FGF14: variants seen among roughly 807,000 people sequenced by gnomAD.
FGF14 encodes the protein fibroblast growth factor 14.
In FGF14, 5 loss-of-function variants were observed where a neutral mutation model predicts 25.5. That is an observed-to-expected ratio of 0.20 (90% CI 0.10 to 0.41). FGF14 has a LOEUF of 0.41. Among genes scored for constraint, FGF14 ranks in the 10% least tolerant of loss-of-function variants. The pLI, the probability that FGF14 is intolerant of heterozygous loss-of-function variation, is 1.00. For missense variants in FGF14, 222 were observed against 320.1 expected, an observed-to-expected ratio of 0.69 and a Z score of 2.34; for synonymous variants, 138 against 118.3, an observed-to-expected ratio of 1.17 and a Z score of -1.08.
rs149290256 is a variant in FGF14 at position 101,794,247 on chromosome 13, GCTCT to G, written c.409-67441_409-67438del. Among the ~76,000 whole-genome samples, 3 of 151,986 alleles carry G rather than the reference GCTCT, an allele frequency of 2.0e-5. No individual in the cohort carries two copies. The South Asian group carries it at 6.2e-4, about 32-fold the overall frequency. On this transcript the variant is annotated intron_variant, in intron 3 of 4. Coordinates refer to ENST00000376143, the MANE Select transcript of FGF14 (RefSeq NM_004115.4). ...ACTGAGGCTCTCTGTAAGCATCTGT[GCTCT>G]CTCTCAGTCTCTAGTCATTCCTAGC... is the stretch of plus-strand genomic sequence containing the variant.
intron 1 of FGF14, among the ~76,000 whole-genome samples, chr13:102,075,754 T>C (rs574324502): frequency 6.6e-6 from 1 of 152,314 alleles, no homozygotes; most frequent in South Asian, 2.1e-4. Context: ...GACAGTTCCA[T>C]GCGTGTGATT....
chr13:102,034,144 T>C (rs566598887), intron 1 of FGF14, among the ~76,000 whole-genome samples: 1 of 152,140 alleles, frequency 6.6e-6, no homozygotes, highest in East Asian at 1.9e-4. Context: ...GAGAGAATGT[T>C]AATATAGAGG....
chr13:102,046,507 T>C (rs745849258), intron 1 of FGF14, among the ~76,000 whole-genome samples: 2 of 152,116 alleles, frequency 1.3e-5, no homozygotes, highest in East Asian at 3.9e-4. Context: ...GAAAAGTGAG[T>C]ATAGCTACCC....
intron 1 of FGF14, among the ~76,000 whole-genome samples, chr13:101,990,259 T>C (rs775887204): frequency 7.2e-5 from 11 of 152,058 alleles, no homozygotes; most frequent in Non-Finnish European, 1.0e-4. Flanking sequence ...GGCCTCACAA[T>C]TCCTTACACA....
intron 1 of FGF14, among the ~76,000 whole-genome samples, chr13:101,981,082 A>AACACACACACACACACACACACAC (rs58666555): frequency 8.1e-6 from 1 of 123,706 alleles, no homozygotes; most frequent in East Asian, 2.8e-4. Flanking sequence ...TCTCTACTAA[A>AACACACACACACACACACACACAC]ACACACACAC....
rs2034721704 is a variant in FGF14 at position 101,716,369 on chromosome 13, AAAG to A, written c.*6459_*6461del. The A allele has an allele frequency of 6.6e-6, 1 of 152,140 alleles. No individual in the cohort carries two copies. Among genetic ancestry groups the A allele is most frequent in the African/African-American group, 2.4e-5 (1 of 41,442 alleles). 9.4% of individuals were successfully genotyped at this position (152,140 alleles called of 1,614,324 possible). The stretch of plus-strand genomic sequence containing the variant: ...TGTCTACTCTCACTTTAAACTCACC[AAAG>A]AAGATTCTCTTAAAGAAATTATGAA... On this transcript the variant is annotated 3_prime_UTR_variant, in exon 5 of 5. Coordinates refer to ENST00000376143, the MANE Select transcript of FGF14 (RefSeq NM_004115.4).
chr13:101,936,972 T>C (rs1462429005), intron 1 of FGF14, among the ~76,000 whole-genome samples: 1 of 151,802 alleles, frequency 6.6e-6, no homozygotes, highest in Non-Finnish European at 1.5e-5. Flanking sequence ...GAGATGGGGG[T>C]GTTTGAAACA....
At chr13:102,337,679 G>A (rs1255398310) in intron 1 of FGF14, among the ~76,000 whole-genome samples, 3 of 152,096 alleles carry the variant, frequency 2.0e-5, no homozygotes, top group East Asian at 3.9e-4. Flanking sequence ...GTCCATTGAT[G>A]AAGCAAACTT....
At chr13:102,044,567 G>A (rs528154027) in intron 1 of FGF14, among the ~76,000 whole-genome samples, 1 of 152,074 alleles carries the variant, frequency 6.6e-6, no homozygotes, top group South Asian at 2.1e-4. Context: ...TTTTCTATAA[G>A]TTTCAGGTGG....
At chr13:101,724,600 ATATAT>A (rs2035255230) in intron 4 of FGF14, among the ~76,000 whole-genome samples, 2 of 5,424 alleles carry the variant, frequency 3.7e-4, no homozygotes, top group East Asian at 0.036. Context: ...ATAATAAAAT[ATATAT>A]ATATATATAT....
intron 1 of FGF14, among the ~76,000 whole-genome samples, chr13:102,182,681 C>T (rs892144333): frequency 6.6e-6 from 1 of 152,008 alleles, no homozygotes; most frequent in African/African-American, 2.4e-5. Flanking sequence ...AATTTGTTGA[C>T]CTCTGGTTTT....
intron 1 of FGF14, among the ~76,000 whole-genome samples, chr13:102,127,897 G>C (rs7328429): frequency 0.013 from 2,050 of 152,304 alleles, 48 homozygotes; most frequent in African/African-American, 0.047. Flanking sequence ...GCTGTCTCTA[G>C]CTGTAAATGA....
At chr13:102,183,590 C>T (rs1056745724) in intron 1 of FGF14, among the ~76,000 whole-genome samples, 1 of 152,160 alleles carries the variant, frequency 6.6e-6, no homozygotes, top group African/African-American at 2.4e-5. Flanking sequence ...GCCCCTGTTC[C>T]TCAATGAACT....
At chr13:101,980,104 A>G (rs896126724) in intron 1 of FGF14, among the ~76,000 whole-genome samples, 1 of 152,230 alleles carries the variant, frequency 6.6e-6, no homozygotes, top group African/African-American at 2.4e-5. Context: ...ATTATCTACA[A>G]GTAAGCCATC....
intron 1 of FGF14, among the ~76,000 whole-genome samples, chr13:101,990,147 CGTGG>C (rs1346994486): frequency 2.6e-5 from 4 of 152,090 alleles, no homozygotes; most frequent in Non-Finnish European, 4.4e-5. Flanking sequence ...TTTTATGATT[CGTGG>C]TCTCACTTTG....
At chr13:101,960,269 C>T (rs917878698) in intron 1 of FGF14, among the ~76,000 whole-genome samples, 1 of 152,256 alleles carries the variant, frequency 6.6e-6, no homozygotes. Flanking sequence ...TAAACATGTC[C>T]TATGGTGGTT....
intron 1 of FGF14, among the ~76,000 whole-genome samples, chr13:102,103,949 C>G (rs2044782055): frequency 6.6e-6 from 1 of 152,174 alleles, no homozygotes; most frequent in Admixed American, 6.5e-5. Flanking sequence ...TCTCCAACTT[C>G]CTGCTTCAGG....
chr13:102,374,644 T>TA (rs2057984695), intron 1 of FGF14, among the ~76,000 whole-genome samples: 7 of 49,372 alleles, frequency 1.4e-4, no homozygotes, highest in Admixed American at 2.8e-4. Context: ...CTTACATATT[T>TA]TATATATATA....
chr13:102,082,714 G>A (rs2043686189), intron 1 of FGF14, among the ~76,000 whole-genome samples: 1 of 152,136 alleles, frequency 6.6e-6, no homozygotes, highest in Non-Finnish European at 1.5e-5. Flanking sequence ...CAGCACTTTG[G>A]GAGGCCGAGG....
Sources: gnomAD v4.1 joint callset for allele counts (sites outside exome capture counted in the v4.1 genomes callset) on GRCh38, gnomAD v4.1.1 for gene constraint, MANE v1.5 for transcripts, NCBI Gene and HGNC (gene_info 2026-07-23, HGNC 2026-07-21) for gene names.